The following MBD5 variants were observed in gnomAD, a reference collection of about 807,000 sequenced individuals.
MBD5 encodes methyl-CpG-binding domain protein 5.
Under a neutral mutation model 117.3 loss-of-function variants are expected in MBD5, and 13 were observed. That is an observed-to-expected ratio of 0.11 (90% CI 0.07 to 0.18). The LOEUF (loss-of-function observed/expected upper bound fraction) is 0.18, where lower values mean the gene tolerates loss of function less well. Among genes scored for constraint, MBD5 ranks in the 10% least tolerant of loss-of-function variants. The pLI is 1.00. For missense variants in MBD5, 1,879 were observed against 2,093.8 expected, an observed-to-expected ratio of 0.90 and a Z score of 2.00; for synonymous variants, 727 against 766.4, an observed-to-expected ratio of 0.95 and a Z score of 0.85.
At chr2:148,377,688 C>T (rs1051377276) in intron 4 of MBD5, among the ~76,000 whole-genome samples, 2 of 152,206 alleles carry the variant, frequency 1.3e-5, no homozygotes, top group Non-Finnish European at 2.9e-5. Flanking sequence ...TGAAAATTCT[C>T]TTTGCTATGG....
chr2:148,136,681 T>C (rs181849175), intron 1 of MBD5, among the ~76,000 whole-genome samples: 123 of 152,352 alleles, frequency 8.1e-4, no homozygotes, highest in Non-Finnish European at 1.5e-3. Context: ...AGTCAAGCAG[T>C]AGCTAAATTA....
At chr2:148,049,104 C>A (rs1352209712) in intron 1 of MBD5, among the ~76,000 whole-genome samples, 1 of 152,174 alleles carries the variant, frequency 6.6e-6, no homozygotes, top group Non-Finnish European at 1.5e-5. Flanking sequence ...CCTGTGGTTG[C>A]TGGGAGTTTC....
chr2:148,205,545 T>G (rs1363429947), intron 2 of MBD5, among the ~76,000 whole-genome samples: 1 of 152,214 alleles, frequency 6.6e-6, no homozygotes, highest in African/African-American at 2.4e-5. Context: ...GCAAATATTA[T>G]AATTGCTTAT....
In MBD5 at chr2:148,377,248, C is replaced by T. The variant is rs190347032; in HGVS notation, c.-557+34912C>T. Among the ~76,000 whole-genome samples, 3 of 152,196 alleles carry T rather than the reference C, an allele frequency of 2.0e-5. 1 individual carries two copies. Among genetic ancestry groups the T allele is most frequent in the Non-Finnish European group, 4.4e-5 (3 of 68,010 alleles). Reference sequence around the variant, plus strand: ...AAAGGATGTAGGCTGGGAGGCTAAGCCAGTCTAGCCTTTTCACATTTTTCT... The same window carrying T: ...AAAGGATGTAGGCTGGGAGGCTAAGTCAGTCTAGCCTTTTCACATTTTTCT... On this transcript the variant is annotated intron_variant, in intron 4 of 13. Transcript: ENST00000642680.
intron 3 of MBD5, among the ~76,000 whole-genome samples, chr2:148,246,383 C>T (rs1338249972): frequency 6.6e-6 from 1 of 152,122 alleles, no homozygotes; most frequent in Non-Finnish European, 1.5e-5. Flanking sequence ...ACTCTCTTCT[C>T]CTTTTAAAAT....
At chr2:148,313,257 C>T (rs1371516798) in intron 3 of MBD5, among the ~76,000 whole-genome samples, 1 of 152,172 alleles carries the variant, frequency 6.6e-6, no homozygotes, top group Non-Finnish European at 1.5e-5. Context: ...CCCACAGCTG[C>T]CCCTTCCCCC....
intron 4 of MBD5, among the ~76,000 whole-genome samples, chr2:148,428,455 A>G (rs750602305): frequency 6.6e-6 from 1 of 152,190 alleles, no homozygotes; most frequent in Non-Finnish European, 1.5e-5. Flanking sequence ...TATCCCCATC[A>G]AGCTACCATT....
intron 1 of MBD5, among the ~76,000 whole-genome samples, chr2:148,045,718 C>A (rs972840698): frequency 2.6e-5 from 4 of 152,034 alleles, no homozygotes; most frequent in African/African-American, 9.7e-5. Context: ...ACTAATTGCT[C>A]CAAGATAAAA....
chr2:148,470,079 C>A lies in MBD5; in HGVS notation c.2136C>A (p.Ser712Arg). The A allele has an allele frequency of 1.2e-6, 2 of 1,613,930 alleles. No individual in the cohort carries two copies. The highest frequency in any genetic ancestry group is 1.7e-6 in the Non-Finnish European group (2 of 1,179,894). ...SQLLQSMSCQSSHLSSNSTPG... is the reference protein window; with the variant it reads ...SQLLQSMSCQRSHLSSNSTPG... ...TACTACAGTCTATGAGTTGTCAAAG[C>A]TCTCACTTGAGTAGCAATAGTACCC... The change falls in exon 8 of 14, where the codon AGC becomes AGA. Residue 712 changes from serine (S) to arginine (R), a missense_variant. Around this residue, in one of 4 missense-constraint regions of MBD5, gnomAD observed 1,666 missense variants for 1,792.2 expected, o/e 0.93. Coordinates refer to ENST00000642680, the MANE Select transcript of MBD5 (RefSeq NM_001378120.1).
intron 1 of MBD5, among the ~76,000 whole-genome samples, chr2:148,088,016 G>GAA (rs549142676): frequency 0.012 from 1,765 of 145,950 alleles, 37 homozygotes; most frequent in African/African-American, 0.042. Context: ...ATATCATAAC[G>GAA]AAAAAAAAAA....
intron 2 of MBD5, among the ~76,000 whole-genome samples, chr2:148,196,802 A>G (rs187952358): frequency 6.6e-6 from 1 of 152,178 alleles, no homozygotes; most frequent in Non-Finnish European, 1.5e-5. Context: ...TGTGTCAGAC[A>G]AAGTAGGCTC....
chr2:148,473,469 T>C (rs1256476238), intron 8 of MBD5, among the ~76,000 whole-genome samples: 2 of 152,142 alleles, frequency 1.3e-5, no homozygotes, highest in Admixed American at 1.3e-4. Context: ...AGAGCTTAGA[T>C]ACAACTCAGG....
Position 148,512,934 on chromosome 2 carries a change from C to T in MBD5, c.5177C>T (p.Ser1726Phe). 2 of 1,613,416 alleles carry T rather than the reference C, an allele frequency of 1.2e-6. No individual in the cohort carries two copies. The highest frequency in any genetic ancestry group is 1.3e-5 in the African/African-American group (1 of 74,982). The change falls in exon 14 of 14, where the codon TCC becomes TTC. Residue 1726 changes from serine (S) to phenylalanine (F), a missense_variant. By Grantham distance (155) the Ser-to-Phe change is radical (BLOSUM62 -2). Transcript: ENST00000642680. Reference sequence around the variant, plus strand: ...CCCAAACCCAAGAGGAGGAAGATCTCCAGATAACAGAGACTACTCCACTAA... The same window carrying T: ...CCCAAACCCAAGAGGAGGAAGATCTTCAGATAACAGAGACTACTCCACTAA... ...RPPKPKRRKI[S>F]R
intron 4 of MBD5, among the ~76,000 whole-genome samples, chr2:148,367,005 A>T (rs984589150): frequency 1.3e-5 from 2 of 152,100 alleles, no homozygotes; most frequent in Admixed American, 6.5e-5. Flanking sequence ...ACCAAAGAAG[A>T]GCCCATATAG....
At position 148,326,353 on chromosome 2, in the gene MBD5, C is replaced by T. The variant is rs544811128; in HGVS notation, c.-679-15861C>T. On this transcript the variant is annotated intron_variant, in intron 3 of 13. Transcript: ENST00000642680. The stretch of plus-strand genomic sequence containing the variant: ...GAGTTCCGTAGATGTCTATTAGGTC[C>T]GCTTGGTGCAGAGCTGTGTTCAATT... Among the ~76,000 whole-genome samples the T allele has an allele frequency of 1.6e-3, 247 of 152,116 alleles. 1 individual carries two copies. Among genetic ancestry groups the T allele is most frequent in the East Asian group, 0.013 (69 of 5,180 alleles).
intron 4 of MBD5, among the ~76,000 whole-genome samples, chr2:148,369,282 T>A (rs1038672123): frequency 3.5e-4 from 53 of 152,170 alleles, no homozygotes; most frequent in Admixed American, 2.6e-3. Context: ...TGATAATTGA[T>A]TGGTTCTTGG....
chr2:148,207,734 T>A (rs1699321902), intron 2 of MBD5, among the ~76,000 whole-genome samples: 1 of 150,440 alleles, frequency 6.6e-6, no homozygotes, highest in Non-Finnish European at 1.5e-5. Context: ...TGGGTGTAGA[T>A]GACACGATTA....
At chr2:148,228,755 G>A (rs570880452) in intron 2 of MBD5, among the ~76,000 whole-genome samples, 1 of 152,044 alleles carries the variant, frequency 6.6e-6, no homozygotes. Context: ...TTTTTTAATT[G>A]GTAAGCTATT....
intron 1 of MBD5, among the ~76,000 whole-genome samples, chr2:148,093,458 GT>G: frequency 6.6e-6 from 1 of 152,240 alleles, no homozygotes; most frequent in African/African-American, 2.4e-5. Flanking sequence ...GATGAGGCAG[GT>G]TTTTGATTTT....
Sources: allele counts gnomAD v4.1 joint callset (sites outside exome capture counted in the v4.1 genomes callset), GRCh38; gene constraint gnomAD v4.1.1; regional missense constraint gnomAD v4.1.1; transcripts MANE v1.5; gene names NCBI Gene and HGNC (gene_info 2026-07-23, HGNC 2026-07-21).